SAXO1: variants seen among roughly 807,000 people sequenced by gnomAD.
SAXO1 encodes 4930500O09Rik.
Under a neutral mutation model 17.5 loss-of-function variants are expected in SAXO1, and 21 were observed. That is an observed-to-expected ratio of 1.20 (90% CI 0.85 to 1.72). The LOEUF (loss-of-function observed/expected upper bound fraction) is 1.72. Among genes scored for constraint, SAXO1 ranks in the 40% most tolerant of loss-of-function variants. SAXO1 has a pLI of 0.00. For missense variants in SAXO1, 843 were observed against 596.0 expected, an observed-to-expected ratio of 1.41 and a Z score of -4.32; for synonymous variants, 274 against 216.5, an observed-to-expected ratio of 1.27 and a Z score of -2.33.
intron 1 of SAXO1, among the ~76,000 whole-genome samples, chr9:19,012,521 A>G (rs1193080378): frequency 1.3e-5 from 2 of 152,192 alleles, no homozygotes; most frequent in Non-Finnish European, 2.9e-5. Context: ...CACGAACCAT[A>G]TGGGGGACGG....
At chr9:18,973,919 T>A (rs1308607818) in intron 1 of SAXO1, among the ~76,000 whole-genome samples, 1 of 152,242 alleles carries the variant, frequency 6.6e-6, no homozygotes, top group African/African-American at 2.4e-5. Context: ...TGTCATGTAC[T>A]ATGTTGGGTA....
At chr9:19,047,878 G>A (rs1042731641) in intron 1 of SAXO1, among the ~76,000 whole-genome samples, 4 of 152,160 alleles carry the variant, frequency 2.6e-5, no homozygotes, top group African/African-American at 9.7e-5. Context: ...TCAGGAAAAA[G>A]AATACCCAAC....
intron 3 of SAXO1, among the ~76,000 whole-genome samples, chr9:18,940,095 G>C (rs766854302): frequency 3.9e-5 from 6 of 152,204 alleles, no homozygotes; most frequent in Non-Finnish European, 5.9e-5. Flanking sequence ...CCATGAAGTA[G>C]AGACTCCATG....
rs112265907 is a variant in SAXO1 at position 18,981,574 on chromosome 9, T to G, written c.39-30637A>C. ...TTCTGGCCACTTCACTAAGCCAGCA[T>G]GCAAAAACAAAAATCCACTCTCCTT... On this transcript the variant is annotated intron_variant, in intron 1 of 3. Transcript: ENST00000380534. 2.6e-3 allele frequency among the ~76,000 whole-genome samples: 390 copies of G among 152,256 alleles called. 1 individual carries two copies. Among genetic ancestry groups the G allele is most frequent in the Non-Finnish European group, 3.5e-3 (235 of 68,012 alleles).
Position 18,941,973 on chromosome 9 carries a change from C to T in SAXO1, c.219-134G>A, listed in dbSNP as rs1831584117. On this transcript the variant is annotated intron_variant, in intron 2 of 3. Transcript: ENST00000380534. ...TACCTGCCTTCCCTCCTCCCCCGAA[C>T]TGTTTCTCCTCTATTTCCCACTTTT... 6.6e-6 allele frequency: 5 copies of T among 763,120 alleles called. No individual in the cohort carries two copies. In the South Asian group the frequency reaches 8.6e-5, roughly 13 times the overall value. 47.3% of individuals were successfully genotyped at this position (763,120 alleles called of 1,614,324 possible).
chr9:18,988,141 A>G (rs1833669408), intron 1 of SAXO1, among the ~76,000 whole-genome samples: 1 of 152,258 alleles, frequency 6.6e-6, no homozygotes, highest in South Asian at 2.1e-4. Flanking sequence ...CAGAATGAGC[A>G]GTCACAGATT....
chr9:19,036,813 G>A (rs1030713999), upstream of SAXO1, among the ~76,000 whole-genome samples: 18 of 152,206 alleles, frequency 1.2e-4, no homozygotes, highest in African/African-American at 4.3e-4. Flanking sequence ...GTGGAGCTGT[G>A]AGAAGAGGGC....
Position 19,026,693 on chromosome 9 carries a change from T to C in SAXO1, c.38+6178A>G, listed in dbSNP as rs76247499. On this transcript the variant is annotated intron_variant, in intron 1 of 3. Transcript: ENST00000380534. ...GATAATAATATATGGGAAAATACTTTTTGAATTTTCAAAATACTGTAAAGA... is the reference window on the plus strand; with the variant it reads ...GATAATAATATATGGGAAAATACTTCTTGAATTTTCAAAATACTGTAAAGA... Among the ~76,000 whole-genome samples the C allele has an allele frequency of 8.9e-4, 136 of 152,310 alleles. 4 individuals are homozygous for C. The East Asian group carries it at 0.025, about 28-fold the overall frequency.
At position 19,027,704 on chromosome 9, in the gene SAXO1, A is replaced by G. The variant is rs994331969; in HGVS notation, c.38+5167T>C. 85 of 1,361,524 alleles carry G rather than the reference A, an allele frequency of 6.2e-5. No individual in the cohort carries two copies. The South Asian group carries it at 1.0e-3, about 16-fold the overall frequency. The allele number at this position is 1,361,524 out of a possible 1,614,324, so 84.3% of individuals were successfully genotyped here. A position where few individuals can be genotyped will look rare whatever the true frequency, so the allele number is the denominator to read the frequency against. On this transcript the variant is annotated intron_variant, in intron 1 of 3. Coordinates refer to ENST00000380534, the MANE Select transcript of SAXO1 (RefSeq NM_153707.4). Reference sequence around the variant, plus strand: ...CATCTTCACTGATGAGCTGGATGCCATAGGCACCAAGCACTTTGACAGCGA... The same window carrying G: ...CATCTTCACTGATGAGCTGGATGCCGTAGGCACCAAGCACTTTGACAGCGA...
At chr9:18,960,562 A>G (rs7025250) in intron 1 of SAXO1, among the ~76,000 whole-genome samples, 23,586 of 152,082 alleles carry the variant, frequency 0.16, 3,873 homozygotes, top group African/African-American at 0.42. Context: ...CAGATCCCTT[A>G]AGCCTAGGAG....
At chr9:18,962,196 T>C (rs1832515611) in intron 1 of SAXO1, among the ~76,000 whole-genome samples, 1 of 152,190 alleles carries the variant, frequency 6.6e-6, no homozygotes, top group African/African-American at 2.4e-5. Context: ...GCCTCCTAAG[T>C]AGCTGGAATT....
chr9:18,933,624 C>A (rs1396740127), intron 3 of SAXO1, among the ~76,000 whole-genome samples: 1 of 152,126 alleles, frequency 6.6e-6, no homozygotes, highest in Non-Finnish European at 1.5e-5. Context: ...ATTTTGCCTT[C>A]ATTATTGAAT....
rs1300048464 is a variant in SAXO1, at chr9:18,928,793, C to A, written c.684G>T (p.Arg228Ser). ...KRFVHEAEKF[R>S]PCEIPFESLT... ...GGCTTTCAAAGGGGATTTCACAGGGCCTGAACTTCTCTGCTTCATGCACAA... is the reference window on the plus strand; with the variant it reads ...GGCTTTCAAAGGGGATTTCACAGGGACTGAACTTCTCTGCTTCATGCACAA... The change falls in exon 4 of 4, where the codon AGG (arginine) becomes AGT (serine). Residue 228 changes from arginine (R) to serine (S), a missense_variant. Arg to Ser is a moderately radical substitution (Grantham distance 110, BLOSUM62 -1). Transcript: ENST00000380534. The A allele has an allele frequency of 6.2e-7, 1 of 1,614,104 alleles. No individual in the cohort carries two copies. Among genetic ancestry groups the A allele is most frequent in the South Asian group, 1.1e-5 (1 of 91,072 alleles).
chr9:18,995,089 A>T (rs946691277), intron 1 of SAXO1, among the ~76,000 whole-genome samples: 2 of 152,260 alleles, frequency 1.3e-5, no homozygotes, highest in Non-Finnish European at 2.9e-5. Context: ...ATGCTTATTT[A>T]AGTAAATAAG....
At chr9:18,977,927 C>T (rs1467951213) in intron 1 of SAXO1, among the ~76,000 whole-genome samples, 1 of 135,328 alleles carries the variant, frequency 7.4e-6, no homozygotes, top group East Asian at 2.5e-4. Flanking sequence ...ACCCGGGAGG[C>T]GGAGGTTGCA....
chr9:19,032,689 G>A (rs933128061), intron 1 of SAXO1, among the ~76,000 whole-genome samples, 182 bp downstream of exon 1: 1 of 152,192 alleles, frequency 6.6e-6, no homozygotes, highest in East Asian at 1.9e-4. Flanking sequence ...AGCCACATTC[G>A]CCAGAACTGA....
At chr9:19,045,329 A>G (rs1170884646) in intron 1 of SAXO1, among the ~76,000 whole-genome samples, 2 of 69,570 alleles carry the variant, frequency 2.9e-5, no homozygotes, top group African/African-American at 1.1e-4. Flanking sequence ...AAAAAAAAAA[A>G]AAAAAAAAAA....
chr9:18,954,001 G>A (rs1304442569), intron 1 of SAXO1, among the ~76,000 whole-genome samples: 2 of 152,226 alleles, frequency 1.3e-5, no homozygotes, highest in Non-Finnish European at 2.9e-5. Flanking sequence ...CCAAAGAACT[G>A]AAACTTCTTC....
At chr9:18,932,503 G>T (rs1319234327) in intron 3 of SAXO1, among the ~76,000 whole-genome samples, 1 of 152,142 alleles carries the variant, frequency 6.6e-6, no homozygotes, top group Non-Finnish European at 1.5e-5. Flanking sequence ...AATACTTTCA[G>T]CTATTCTGGT....
Sources: allele counts gnomAD v4.1 joint callset (sites outside exome capture counted in the v4.1 genomes callset), GRCh38; gene constraint gnomAD v4.1.1; transcripts MANE v1.5; gene names NCBI Gene and HGNC (gene_info 2026-07-23, HGNC 2026-07-21).